The following PARD3 variants were observed in gnomAD, a reference collection of about 807,000 sequenced individuals.
The protein encoded by PARD3 is par-3 family cell polarity regulator, also known as partitioning defective 3 homolog.
PARD3 carries 75 observed loss-of-function variants against 155.4 expected under a neutral mutation model. That is an observed-to-expected ratio of 0.48 (90% confidence interval 0.40 to 0.58). The LOEUF is 0.58. Among genes scored for constraint, PARD3 ranks in the 20% least tolerant of loss-of-function variants. The pLI is 0.00. For missense variants in PARD3, 1,642 were observed against 1,721.7 expected (o/e 0.95, Z 0.82); for synonymous variants, 576 against 610.5 (o/e 0.94, Z 0.83).
chr10:34,260,050 G>A (rs542092295), intron 22 of PARD3, among the ~76,000 whole-genome samples: 1 of 152,238 alleles, frequency 6.6e-6, no homozygotes, highest in African/African-American at 2.4e-5. Context: ...GTGTTGCCCA[G>A]GCTGATTTCG....
intron 14 of PARD3, 60 bp from the exon 15 acceptor site, chr10:34,348,175 A>C: frequency 7.6e-6 from 11 of 1,451,824 alleles, no homozygotes; most frequent in Non-Finnish European, 1.0e-5. Context: ...AATTAGCAGC[A>C]TGGGAGAATT....
intron 22 of PARD3, among the ~76,000 whole-genome samples, chr10:34,212,890 G>A (rs1328887148): frequency 6.6e-6 from 1 of 152,142 alleles, no homozygotes; most frequent in Non-Finnish European, 1.5e-5. Context: ...CAGGCTCAGA[G>A]GCATCATCAG....
intron 1 of PARD3, among the ~76,000 whole-genome samples, chr10:34,772,479 A>T (rs1839002301): frequency 6.6e-6 from 1 of 151,584 alleles, no homozygotes; most frequent in South Asian, 2.1e-4. Context: ...AGTAAATACA[A>T]ATGATCTAAA....
At chr10:34,666,796 A>AAAAAAAAATATATAT (rs1358640964) in intron 2 of PARD3, among the ~76,000 whole-genome samples, 2 of 66,962 alleles carry the variant, frequency 3.0e-5, no homozygotes, top group African/African-American at 6.1e-5. Context: ...AAAAAAAAAA[A>AAAAAAAAATATATAT]ATATATATAT....
At chr10:34,208,200 C>T (rs1368003648) in intron 22 of PARD3, among the ~76,000 whole-genome samples, 1 of 152,128 alleles carries the variant, frequency 6.6e-6, no homozygotes, top group Non-Finnish European at 1.5e-5. Flanking sequence ...GTCGTGGACA[C>T]AAGTCAAATC....
At chr10:34,390,717 T>C (rs1282599711) in intron 7 of PARD3, among the ~76,000 whole-genome samples, 6 of 151,988 alleles carry the variant, frequency 3.9e-5, no homozygotes, top group African/African-American at 1.4e-4. Flanking sequence ...AATTCCCAAC[T>C]CCAAATCTGG....
At chr10:34,607,270 T>C (rs2090541191) in intron 2 of PARD3, among the ~76,000 whole-genome samples, 1 of 152,182 alleles carries the variant, frequency 6.6e-6, no homozygotes. Context: ...ACAGGCAATA[T>C]GTATTTGCAA....
chr10:34,380,890 T>C (rs546371810), intron 9 of PARD3, among the ~76,000 whole-genome samples: 2 of 152,290 alleles, frequency 1.3e-5, no homozygotes, highest in South Asian at 2.1e-4. Context: ...CTATTTGTAG[T>C]TCTTGATATG....
chr10:34,761,679 T>C (rs549309685), intron 1 of PARD3, among the ~76,000 whole-genome samples: 25 of 152,342 alleles, frequency 1.6e-4, no homozygotes, highest in African/African-American at 6.0e-4. Flanking sequence ...CAGATTACCC[T>C]GGAGAATCAA....
At chr10:34,324,115 C>T (rs562195415) in intron 19 of PARD3, among the ~76,000 whole-genome samples, 2 of 152,268 alleles carry the variant, frequency 1.3e-5, no homozygotes, top group Admixed American at 1.3e-4. Flanking sequence ...GATTTCAGGC[C>T]ACTGCTCAGA....
At chr10:34,715,295 C>T (rs909352826) in intron 1 of PARD3, among the ~76,000 whole-genome samples, 1 of 152,052 alleles carries the variant, frequency 6.6e-6, no homozygotes. Context: ...CCAGGCTGGT[C>T]TCCAACTCCT....
chr10:34,615,022 C>CA (rs1034726930), intron 2 of PARD3, among the ~76,000 whole-genome samples: 16 of 151,782 alleles, frequency 1.1e-4, no homozygotes, highest in East Asian at 5.8e-4. Flanking sequence ...ACTAAAAATA[C>CA]AAAAAAAACT....
At chr10:34,756,067 C>T (rs944376697) in intron 1 of PARD3, among the ~76,000 whole-genome samples, 9 of 151,300 alleles carry the variant, frequency 5.9e-5, no homozygotes, top group African/African-American at 1.7e-4. Flanking sequence ...GGCTAGGATG[C>T]TAATCTGGGT....
At chr10:34,655,762 G>A (rs2093150217) in intron 2 of PARD3, among the ~76,000 whole-genome samples, 1 of 152,116 alleles carries the variant, frequency 6.6e-6, no homozygotes, top group Non-Finnish European at 1.5e-5. Context: ...TAGACACAAG[G>A]GGGAGCCAAT....
At chr10:34,241,955 T>TA (rs139873816) in intron 22 of PARD3, among the ~76,000 whole-genome samples, 10,387 of 150,790 alleles carry the variant, frequency 0.069, 472 homozygotes, top group Non-Finnish European at 0.095. Context: ...GAGTCTCTTT[T>TA]AAAAAAAAAA....
At chr10:34,334,539 T>C (rs1835951051) in intron 18 of PARD3, among the ~76,000 whole-genome samples, 1 of 150,468 alleles carries the variant, frequency 6.6e-6, no homozygotes, top group Non-Finnish European at 1.5e-5. Context: ...TCAAGTCAAG[T>C]GAAGTGACGA....
At chr10:34,620,428 C>G (rs1201055369) in intron 2 of PARD3, among the ~76,000 whole-genome samples, 2 of 152,192 alleles carry the variant, frequency 1.3e-5, no homozygotes, top group Non-Finnish European at 2.9e-5. Flanking sequence ...GCAAACAAAA[C>G]ATTTCACAAA....
chr10:34,247,639 A>G (rs545510420), intron 22 of PARD3, among the ~76,000 whole-genome samples: 6 of 152,318 alleles, frequency 3.9e-5, no homozygotes, highest in Non-Finnish European at 7.3e-5. Context: ...CATAAAGAGG[A>G]GAGAAATGAA....
chr10:34,535,830 A>T (rs983370673), intron 2 of PARD3, among the ~76,000 whole-genome samples: 2 of 149,436 alleles, frequency 1.3e-5, no homozygotes, highest in Admixed American at 1.3e-4. Flanking sequence ...AAAAAAAAAT[A>T]GTTAGGCTTT....
Sources: allele counts gnomAD v4.1 joint callset (sites outside exome capture counted in the v4.1 genomes callset), GRCh38; gene constraint gnomAD v4.1.1; transcripts MANE v1.5; gene names NCBI Gene and HGNC (gene_info 2026-07-23, HGNC 2026-07-21).